Variants in CFAP20DC observed in about 807,000 individuals in gnomAD.
CFAP20DC encodes CFAP20 domain containing.
Under a neutral mutation model 101.7 loss-of-function variants are expected in CFAP20DC, and 84 were observed. The ratio of observed to expected loss-of-function variants is 0.83; its 90% CI spans 0.69 to 0.99. CFAP20DC has a LOEUF of 0.99. CFAP20DC is among the 50% of genes least tolerant of loss of function. CFAP20DC has a pLI of 0.00. For missense variants in CFAP20DC, 1,007 were observed against 970.3 expected, an observed-to-expected ratio of 1.04 and a Z score of -0.50; for synonymous variants, 359 against 351.2, an observed-to-expected ratio of 1.02 and a Z score of -0.25.
At chr3:58,748,100 C>A (rs1389484311) in intron 16 of CFAP20DC, among the ~76,000 whole-genome samples, 1 of 152,128 alleles carries the variant, frequency 6.6e-6, no homozygotes, top group African/African-American at 2.4e-5. Flanking sequence ...GGAATTATTA[C>A]AATTTCATTA....
chr3:58,930,783 C>T lies in CFAP20DC; in HGVS notation c.393+6865G>A, dbSNP rs557074216. On this transcript the variant is annotated intron_variant, in intron 5 of 16. Coordinates refer to ENST00000482387, the MANE Select transcript of CFAP20DC (RefSeq NM_001394063.1). Reference sequence around the variant, plus strand: ...TCTTTTAAATTAAATTTAAGCAGGACTGGCAGCCAAGATGGCCGAATAGGA... The same window carrying T: ...TCTTTTAAATTAAATTTAAGCAGGATTGGCAGCCAAGATGGCCGAATAGGA... Among the ~76,000 whole-genome samples, 125 of 152,130 alleles carry T rather than the reference C, an allele frequency of 8.2e-4. 1 individual carries two copies. Among genetic ancestry groups the T allele is most frequent in the Non-Finnish European group, 5.7e-4 (39 of 67,996 alleles).
Position 59,039,592 on chromosome 3 carries a change from G to A in CFAP20DC, c.243C>T (p.Tyr81=), listed in dbSNP as rs545653802. The A allele has an allele frequency of 1.6e-4, 249 of 1,527,014 alleles. No homozygotes were observed. Among genetic ancestry groups the A allele is most frequent in the East Asian group, 7.7e-4 (31 of 40,472 alleles). The allele number at this position is 1,527,014 out of a possible 1,614,324, so 94.6% of individuals were successfully genotyped here. A position where few individuals can be genotyped will look rare whatever the true frequency, so the allele number is the denominator to read the frequency against. Residue 81 remains tyrosine (Y), a synonymous_variant, in exon 4 of 17, where the codon TAC becomes TAT. Transcript: ENST00000482387. The part of the protein sequence containing the change: ...LIQRFLVLQI[Y]VPLGQDFSTE... ...TGGAGAAGTCTTGTCCCAGGGGTAC[G>A]TAAATCTGAAGTACAAGAAACCTCT... is the stretch of plus-strand genomic sequence containing the variant.
chr3:58,724,067 G>A lies in CFAP20DC; in HGVS notation c.198-6439C>T, dbSNP rs1472467272. Among the ~76,000 whole-genome samples, 3 of 152,172 alleles carry A rather than the reference G, an allele frequency of 2.0e-5. No individual in the cohort carries two copies. Among genetic ancestry groups the A allele is most frequent in the African/African-American group, 7.2e-5 (3 of 41,450 alleles). ...AAATCCTTCATTCCAGGATGCTGAG[G>A]TTTAATCCCTTTGAAAGGAGGGTGC... is the stretch of plus-strand genomic sequence containing the variant. On this transcript the variant is annotated intron_variant, in intron 3 of 3. Coordinates refer to the CFAP20DC transcript ENST00000486145. The surrounding 1 kb of genome is among the most constrained non-coding windows in gnomAD (Gnocchi z 5.6).
At chr3:58,942,287 T>C (rs998532468) in intron 4 of CFAP20DC, among the ~76,000 whole-genome samples, 15 of 152,248 alleles carry the variant, frequency 9.9e-5, no homozygotes, top group African/African-American at 3.6e-4. Context: ...TGCCAGCAGA[T>C]GGCTGAATAG....
chr3:58,805,199 T>C (rs540960255), intron 15 of CFAP20DC, among the ~76,000 whole-genome samples: 9 of 152,312 alleles, frequency 5.9e-5, no homozygotes, highest in African/African-American at 1.7e-4. Flanking sequence ...TACATGTATA[T>C]TGAACTGTGA....
intron 14 of CFAP20DC, among the ~76,000 whole-genome samples, chr3:58,824,215 G>A (rs939784677): frequency 6.6e-6 from 1 of 152,116 alleles, no homozygotes; most frequent in Non-Finnish European, 1.5e-5. Context: ...TACCCAAAGA[G>A]AGCTGAGAAG....
intron 14 of CFAP20DC, among the ~76,000 whole-genome samples, chr3:58,807,168 T>A (rs1392949907): frequency 1.3e-5 from 2 of 152,174 alleles, no homozygotes; most frequent in Non-Finnish European, 2.9e-5. Context: ...AGCAGTAACC[T>A]CTGCAGACGT....
chr3:58,930,205 A>G (rs1013925541), intron 5 of CFAP20DC, among the ~76,000 whole-genome samples: 1 of 152,124 alleles, frequency 6.6e-6, no homozygotes, highest in African/African-American at 2.4e-5. Context: ...TAAGTTTCTG[A>G]TGTTGCTTCA....
intron 5 of CFAP20DC, among the ~76,000 whole-genome samples, chr3:58,932,083 C>A (rs1401526770): frequency 6.6e-6 from 1 of 152,074 alleles, no homozygotes; most frequent in Non-Finnish European, 1.5e-5. Flanking sequence ...CTTAAAGGAG[C>A]TGATGGAGGT....
chr3:58,718,357 C>T (rs984585127), intron 3 of CFAP20DC, among the ~76,000 whole-genome samples: 2 of 152,168 alleles, frequency 1.3e-5, no homozygotes, highest in Non-Finnish European at 2.9e-5. Flanking sequence ...CAGCTAATTC[C>T]TTCTCACCCC....
At chr3:58,944,171 C>G (rs1324330534) in intron 4 of CFAP20DC, among the ~76,000 whole-genome samples, 4 of 147,192 alleles carry the variant, frequency 2.7e-5, no homozygotes, top group Non-Finnish European at 5.9e-5. Flanking sequence ...TCTAGGAGAA[C>G]TTACCCAACC....
At position 58,742,140 on chromosome 3, in the gene CFAP20DC, A is replaced by G; in HGVS notation, c.*320T>C. 1 of 916,012 alleles carries G rather than the reference A, an allele frequency of 1.1e-6. No homozygotes were observed. The highest frequency in any genetic ancestry group is 1.3e-6 in the Non-Finnish European group (1 of 764,486). The allele number at this position is 916,012 out of a possible 1,614,324, so 56.7% of individuals were successfully genotyped here. ...CAGATTAACACTGCAAAAAATTTGA[A>G]TGAATAACTCTTAATTTGTTTACAT... On this transcript the variant is annotated 3_prime_UTR_variant, in exon 17 of 17. Transcript: ENST00000482387.
intron 15 of CFAP20DC, among the ~76,000 whole-genome samples, chr3:58,797,946 A>G (rs1386912642): frequency 6.6e-6 from 1 of 152,184 alleles, no homozygotes; most frequent in Non-Finnish European, 1.5e-5. Context: ...TCTTGAGCCT[A>G]CTACTGAGAT....
intron 15 of CFAP20DC, among the ~76,000 whole-genome samples, chr3:58,767,867 T>G (rs934674676): frequency 2.0e-5 from 3 of 152,234 alleles, no homozygotes; most frequent in African/African-American, 7.2e-5. Flanking sequence ...TTGATTACCA[T>G]CAGAAACTGT....
Position 58,724,421 on chromosome 3 carries a change from C to T in CFAP20DC, c.198-6793G>A, listed in dbSNP as rs988402269. On this transcript the variant is annotated intron_variant, in intron 3 of 3. Transcript: ENST00000486145. The surrounding 1 kb of genome is among the most constrained non-coding windows in gnomAD (Gnocchi z 5.6). ...GTTCCCATGCTTAGAGCGAGACCCT[C>T]TCTCTTATCTGTAAACACTGTGTTC... Among the ~76,000 whole-genome samples, 2 of 152,130 alleles carry T rather than the reference C, an allele frequency of 1.3e-5. No individual in the cohort carries two copies. Among genetic ancestry groups the T allele is most frequent in the African/African-American group, 4.8e-5 (2 of 41,434 alleles).
rs1453757510 is a variant in CFAP20DC at position 58,753,797 on chromosome 3, T to C, written c.2304A>G (p.Pro768=). ...PPSQQPAEQR[P]DSCESLSVQG... ...GAACACTCAAACTTTCACAGGAATC[T>C]GGACGCTGCTCAGCCGGCTGTTGAC... is the stretch of plus-strand genomic sequence containing the variant. Residue 768 remains proline, a synonymous_variant, in exon 16 of 17, where the codon CCA becomes CCG. Coordinates refer to ENST00000482387, the MANE Select transcript of CFAP20DC (RefSeq NM_001394063.1). 6.2e-7 allele frequency: 1 copy of C among 1,612,830 alleles called. No individual in the cohort carries two copies. The highest frequency in any genetic ancestry group is 1.1e-5 in the South Asian group (1 of 90,890).
At chr3:58,759,105 A>G (rs1453716089) in intron 15 of CFAP20DC, among the ~76,000 whole-genome samples, 2 of 152,196 alleles carry the variant, frequency 1.3e-5, no homozygotes, top group Non-Finnish European at 2.9e-5. Context: ...TCCCTGAGGA[A>G]TCGCCACACT....
At chr3:59,025,737 T>C (rs1185722391) in intron 4 of CFAP20DC, among the ~76,000 whole-genome samples, 3 of 152,184 alleles carry the variant, frequency 2.0e-5, no homozygotes, top group Non-Finnish European at 4.4e-5. Context: ...ATAATTGATA[T>C]GGCAATCATT....
At chr3:58,951,856 A>C (rs1350900387) in intron 4 of CFAP20DC, among the ~76,000 whole-genome samples, 2 of 152,192 alleles carry the variant, frequency 1.3e-5, no homozygotes, top group Non-Finnish European at 2.9e-5. Flanking sequence ...ATGTATACAT[A>C]TGTAACAAAC....
Sources: allele counts gnomAD v4.1 joint callset (sites outside exome capture counted in the v4.1 genomes callset), GRCh38; gene constraint gnomAD v4.1.1; non-coding constraint Gnocchi (gnomAD v3.1); transcripts MANE v1.5; gene names NCBI Gene and HGNC (gene_info 2026-07-23, HGNC 2026-07-21).